RAP1A: variants seen among roughly 807,000 people sequenced by gnomAD.
RAP1A encodes RAP1A, member of RAS oncogene family.
Under a neutral mutation model 26.4 loss-of-function variants are expected in RAP1A, and 6 were observed. That is an observed-to-expected ratio of 0.23 (90% confidence interval 0.12 to 0.45). The LOEUF is 0.45. Among genes scored for constraint, RAP1A ranks in the 20% least tolerant of loss-of-function variants. The pLI, the probability that RAP1A is intolerant of heterozygous loss-of-function variation, is 0.99. For synonymous variants in RAP1A, 73 were observed against 79.4 expected, an observed-to-expected ratio of 0.92 and a Z score of 0.43; for missense variants, 121 against 217.2, an observed-to-expected ratio of 0.56 and a Z score of 2.78.
chr1:111,550,952 G>A (rs1403283676), intron 1 of RAP1A, among the ~76,000 whole-genome samples: 1 of 149,640 alleles, frequency 6.7e-6, no homozygotes, highest in Non-Finnish European at 1.5e-5. Flanking sequence ...TCTTCATAGT[G>A]GAGTGACTCT....
intron 1 of RAP1A, among the ~76,000 whole-genome samples, chr1:111,634,570 C>T: frequency 6.7e-6 from 1 of 148,462 alleles, no homozygotes; most frequent in African/African-American, 2.5e-5. Flanking sequence ...ATTTTATTTC[C>T]CTTGTTAAGC....
rs774214226 is a variant in RAP1A at position 111,704,434 on chromosome 1, G to A, written c.416G>A (p.Cys139Tyr). The change falls in exon 6 of 8, where the codon TGT becomes TAT. Residue 139 changes from cysteine (C) to tyrosine (Y), a missense_variant. Physicochemically the swap from Cys to Tyr is radical, Grantham distance 194 (BLOSUM62 -2). Coordinates refer to ENST00000369709, the MANE Select transcript of RAP1A (RefSeq NM_002884.4). Reference protein sequence around the residue: ...EQGQNLARQWCNCAFLESSAK... With the variant: ...EQGQNLARQWYNCAFLESSAK... ...GGCCAGAATTTAGCAAGACAGTGGT[G>A]TAACTGTGCCTTTTTAGAATCTTCT... 1.9e-6 allele frequency: 3 copies of A among 1,613,848 alleles called. No individual in the cohort carries two copies. Among genetic ancestry groups the A allele is most frequent in the Non-Finnish European group, 2.5e-6 (3 of 1,179,814 alleles).
chr1:111,619,884 A>AGGAGGAGGAGGAGGT lies in RAP1A; in HGVS notation c.-70_-69insAGGAGGTGGAGGAGG. On this transcript the variant is annotated 5_prime_UTR_variant, in exon 1 of 8. Coordinates refer to ENST00000369709, the MANE Select transcript of RAP1A (RefSeq NM_002884.4). ...ACGGCCGAGAGGAGGGAGGAGGAGG[A>AGGAGGAGGAGGAGGT]GGAGGAGGTGGAGGAGGTGGAGGAG... 1 of 243,872 alleles carries AGGAGGAGGAGGAGGT rather than the reference A, an allele frequency of 4.1e-6. No individual in the cohort carries two copies. Among genetic ancestry groups the AGGAGGAGGAGGAGGT allele is most frequent in the Admixed American group, 5.7e-5 (1 of 17,464 alleles). 15.1% of individuals were successfully genotyped at this position (243,872 alleles called of 1,614,324 possible).
intron 1 of RAP1A, among the ~76,000 whole-genome samples, chr1:111,649,825 C>T (rs778673113): frequency 3.0e-4 from 45 of 151,982 alleles, no homozygotes; most frequent in Non-Finnish European, 5.1e-4. Context: ...CCTGGAAAAC[C>T]GGTCTGAATG....
chr1:111,700,213 C>T (rs1323750867), intron 4 of RAP1A, among the ~76,000 whole-genome samples: 1 of 152,158 alleles, frequency 6.6e-6, no homozygotes, highest in Non-Finnish European at 1.5e-5. Context: ...GTAACCCTGT[C>T]TGTATTAGGC....
At chr1:111,648,733 T>C in intron 1 of RAP1A, 2 of 593,374 alleles carry the variant, frequency 3.4e-6, no homozygotes, top group Non-Finnish European at 6.4e-6. Context: ...GCAGACTGCG[T>C]GGTGACCACT....
chr1:111,679,461 G>A (rs571671700), intron 1 of RAP1A, among the ~76,000 whole-genome samples: 2 of 152,266 alleles, frequency 1.3e-5, no homozygotes, highest in East Asian at 3.9e-4. Context: ...AAAACTGGGC[G>A]GCTGTTTGAG....
chr1:111,640,464 T>C (rs1659859034), intron 1 of RAP1A, among the ~76,000 whole-genome samples: 1 of 152,208 alleles, frequency 6.6e-6, no homozygotes, highest in African/African-American at 2.4e-5. Flanking sequence ...GATTCTTTAA[T>C]AGATTTGTTA....
chr1:111,620,017 T>A (rs1325848229), intron 1 of RAP1A, 83 bp downstream of exon 1: 3 of 395,524 alleles, frequency 7.6e-6, no homozygotes, highest in Non-Finnish European at 1.3e-5. Context: ...AGGCGGCTCA[T>A]GTCGCCGGTC....
At chr1:111,572,846 G>A (rs768032838) in intron 1 of RAP1A, among the ~76,000 whole-genome samples, 15 of 152,052 alleles carry the variant, frequency 9.9e-5, no homozygotes, top group African/African-American at 2.4e-4. Flanking sequence ...TTATCACCCC[G>A]GTACTAAGCC....
chr1:111,545,109 T>C (rs1656986553), intron 1 of RAP1A, among the ~76,000 whole-genome samples: 1 of 148,494 alleles, frequency 6.7e-6, no homozygotes, highest in African/African-American at 2.6e-5. Flanking sequence ...TATATCCAAT[T>C]TGGTATATAC....
At chr1:111,667,574 C>T (rs762042467) in intron 1 of RAP1A, among the ~76,000 whole-genome samples, 3 of 151,612 alleles carry the variant, frequency 2.0e-5, no homozygotes, top group Admixed American at 6.6e-5. Context: ...CACAGCTACT[C>T]GGGAGGCTTA....
At chr1:111,708,225 G>A (rs977193211) in intron 6 of RAP1A, among the ~76,000 whole-genome samples, 8 of 141,800 alleles carry the variant, frequency 5.6e-5, no homozygotes, top group Non-Finnish European at 1.2e-4. Flanking sequence ...TTCAAATCAA[G>A]GATTAGCAGA....
intron 1 of RAP1A, among the ~76,000 whole-genome samples, chr1:111,688,343 G>A (rs1239844216): frequency 3.6e-5 from 5 of 137,344 alleles, no homozygotes; most frequent in South Asian, 2.3e-4. Context: ...TTTTTGAGAC[G>A]GAGTCTTGCT....
At chr1:111,632,837 C>T (rs1267742682) in intron 1 of RAP1A, among the ~76,000 whole-genome samples, 3 of 147,792 alleles carry the variant, frequency 2.0e-5, no homozygotes, top group Non-Finnish European at 4.5e-5. Context: ...AGGAGAATCC[C>T]TTGAACCTGG....
At chr1:111,653,614 C>T (rs967232317) in intron 1 of RAP1A, among the ~76,000 whole-genome samples, 2 of 131,404 alleles carry the variant, frequency 1.5e-5, no homozygotes, top group South Asian at 5.1e-4. Context: ...ACCGGGAAGG[C>T]GGAGGTTGCA....
chr1:111,653,300 G>A (rs1054693960), intron 1 of RAP1A, among the ~76,000 whole-genome samples: 6 of 152,002 alleles, frequency 3.9e-5, no homozygotes, highest in African/African-American at 1.2e-4. Flanking sequence ...TTTTTTGGGA[G>A]GGGTGATGAA....
chr1:111,686,690 C>CAAAAAAAA (rs4020149), intron 1 of RAP1A: 13 of 63,434 alleles, frequency 2.0e-4, no homozygotes, highest in Admixed American at 6.5e-4. Flanking sequence ...GACCCTATCT[C>CAAAAAAAA]AAAAAAAAAA....
chr1:111,562,715 A>G (rs1476676431), intron 1 of RAP1A, among the ~76,000 whole-genome samples: 1 of 152,184 alleles, frequency 6.6e-6, no homozygotes, highest in Non-Finnish European at 1.5e-5. Flanking sequence ...TTGCCTCTAT[A>G]TTGCTGTTTA....
Sources: allele counts gnomAD v4.1 joint callset (sites outside exome capture counted in the v4.1 genomes callset), GRCh38; gene constraint gnomAD v4.1.1; transcripts MANE v1.5; gene names NCBI Gene and HGNC (gene_info 2026-07-23, HGNC 2026-07-21).